TMEM178A: variants seen among roughly 807,000 people sequenced by gnomAD.
TMEM178A encodes the protein transmembrane protein 178A.
TMEM178A carries 12 observed loss-of-function variants against 29.1 expected under a neutral mutation model. The observed-to-expected ratio is 0.41, with a 90% confidence interval of 0.26 to 0.67. The LOEUF (loss-of-function observed/expected upper bound fraction) is 0.67, where lower values mean the gene tolerates loss of function less well. TMEM178A is among the 30% of genes least tolerant of loss of function. The probability of loss-of-function intolerance (pLI) is 0.29; values close to 1 mark genes in which losing one functional copy is unlikely to be tolerated. For missense variants in TMEM178A, 366 were observed against 419.1 expected, an observed-to-expected ratio of 0.87 and a Z score of 1.11; for synonymous variants, 210 against 187.2, an observed-to-expected ratio of 1.12 and a Z score of -0.99.
chr2:39,679,986 G>A (rs1393243693), intron 1 of TMEM178A, among the ~76,000 whole-genome samples: 1 of 152,034 alleles, frequency 6.6e-6, no homozygotes, highest in African/African-American at 2.4e-5. Context: ...TTCAAGCAGA[G>A]GTGGCTCTTC....
chr2:39,700,909 A>C (rs946990427), intron 1 of TMEM178A, among the ~76,000 whole-genome samples: 1 of 151,928 alleles, frequency 6.6e-6, no homozygotes, highest in Non-Finnish European at 1.5e-5. Context: ...GTTTGGATTA[A>C]TACCAATTGA....
intron 1 of TMEM178A, among the ~76,000 whole-genome samples, chr2:39,695,949 A>G (rs1671522548): frequency 6.6e-6 from 1 of 152,202 alleles, no homozygotes; most frequent in African/African-American, 2.4e-5. Flanking sequence ...ACAAATACAT[A>G]ATTATATCAT....
At position 39,683,222 on chromosome 2, in the gene TMEM178A, C is replaced by T. The variant is rs1256148888; in HGVS notation, c.400+16848C>T. On this transcript the variant is annotated intron_variant, in intron 1 of 3. Coordinates refer to ENST00000281961, the MANE Select transcript of TMEM178A (RefSeq NM_152390.3). Reference sequence around the variant, plus strand: ...GACTAATTTGCACTTGTTTAATCTGCAAGGCTGGCAATTTTGGGAAGCCTC... The same window carrying T: ...GACTAATTTGCACTTGTTTAATCTGTAAGGCTGGCAATTTTGGGAAGCCTC... Among the ~76,000 whole-genome samples the T allele has an allele frequency of 3.9e-5, 6 of 152,308 alleles. No homozygotes were observed. In the East Asian group the frequency reaches 7.7e-4, roughly 20 times the overall value.
the TMEM178A span, among the ~76,000 whole-genome samples, chr2:39,727,973 T>C: frequency 7.2e-5 from 11 of 152,334 alleles, no homozygotes; most frequent in East Asian, 1.3e-3. Context: ...TGATGGACAT[T>C]TGGGTTGGTT....
chr2:39,710,626 A>G (rs997561698), intron 3 of TMEM178A, among the ~76,000 whole-genome samples: 2 of 152,192 alleles, frequency 1.3e-5, no homozygotes, highest in African/African-American at 4.8e-5. Flanking sequence ...AAACACTGAG[A>G]CAACCATGTC....
chr2:39,673,167 C>A (rs1402482235), intron 1 of TMEM178A, among the ~76,000 whole-genome samples: 1 of 152,176 alleles, frequency 6.6e-6, no homozygotes, highest in Non-Finnish European at 1.5e-5. Context: ...TGCCCTGAGC[C>A]TTGGAGCATG....
At chr2:39,716,560 AAG>A (rs1172306233) in intron 3 of TMEM178A, among the ~76,000 whole-genome samples, 3 of 152,244 alleles carry the variant, frequency 2.0e-5, no homozygotes, top group Non-Finnish European at 4.4e-5. Flanking sequence ...TTAATTGAAA[AAG>A]AAAGCAGATG....
At chr2:39,688,031 T>C (rs1009001786) in intron 1 of TMEM178A, among the ~76,000 whole-genome samples, 1 of 152,212 alleles carries the variant, frequency 6.6e-6, no homozygotes, top group Non-Finnish European at 1.5e-5. Context: ...ATGAGGGAAA[T>C]GTCAGTAAAG....
intron 1 of TMEM178A, among the ~76,000 whole-genome samples, chr2:39,681,282 A>G (rs1231724138): frequency 6.6e-6 from 1 of 152,204 alleles, no homozygotes; most frequent in Non-Finnish European, 1.5e-5. Context: ...TAGACATGCC[A>G]AGAGATCTGT....
intron 1 of TMEM178A, among the ~76,000 whole-genome samples, chr2:39,680,112 C>G (rs1029998216): frequency 6.6e-6 from 1 of 152,150 alleles, no homozygotes; most frequent in South Asian, 2.1e-4. Flanking sequence ...TTACTCTGCT[C>G]TTAACTAGCT....
At position 39,702,071 on chromosome 2, in the gene TMEM178A, C is replaced by CT. The variant is rs201458206; in HGVS notation, c.401-2000dup. Among the ~76,000 whole-genome samples, 1,468 of 148,466 alleles carry CT rather than the reference C, an allele frequency of 9.9e-3. 9 individuals carry two copies. Among genetic ancestry groups the CT allele is most frequent in the Non-Finnish European group, 0.012 (834 of 66,764 alleles). ...CCTCAGTGACAGCTTCTATTGACTGCTTTTTTTTTTCTTTTACTTTGAATG... is the reference window on the plus strand; with the variant it reads ...CCTCAGTGACAGCTTCTATTGACTGCTTTTTTTTTTTCTTTTACTTTGAATG... On this transcript the variant is annotated intron_variant, in intron 1 of 3. Coordinates refer to ENST00000281961, the MANE Select transcript of TMEM178A (RefSeq NM_152390.3).
chr2:39,673,237 G>A lies in TMEM178A; in HGVS notation c.400+6863G>A, dbSNP rs150691487. ...CAGCCTTTGTTTGCTGCAGAGTCAC[G>A]GGAAACTACATGCTGCACCCCATCT... On this transcript the variant is annotated intron_variant, in intron 1 of 3. Transcript: ENST00000281961. Among the ~76,000 whole-genome samples, 31 of 152,268 alleles carry A rather than the reference G, an allele frequency of 2.0e-4. No homozygotes were observed. In the East Asian group the frequency reaches 3.1e-3, roughly 15 times the overall value.
At chr2:39,692,145 G>A (rs868641010) in intron 1 of TMEM178A, among the ~76,000 whole-genome samples, 8 of 152,116 alleles carry the variant, frequency 5.3e-5, no homozygotes, top group African/African-American at 1.7e-4. Context: ...GTTACCAGAG[G>A]GTAGAATGGT....
intron 1 of TMEM178A, among the ~76,000 whole-genome samples, chr2:39,674,062 A>C (rs1302541396): frequency 6.6e-6 from 1 of 152,078 alleles, no homozygotes; most frequent in Non-Finnish European, 1.5e-5. Flanking sequence ...TTGTAGGAAA[A>C]CTTCTCTTGG....
intron 1 of TMEM178A, among the ~76,000 whole-genome samples, chr2:39,668,726 A>T (rs2148050425): frequency 6.6e-6 from 1 of 152,334 alleles, no homozygotes; most frequent in East Asian, 1.9e-4. Context: ...GATGTCCAGA[A>T]ATGCCTTGTA....
At chr2:39,669,505 A>G (rs987488037) in intron 1 of TMEM178A, among the ~76,000 whole-genome samples, 3 of 152,226 alleles carry the variant, frequency 2.0e-5, no homozygotes, top group African/African-American at 4.8e-5. Context: ...TGGGACAAGT[A>G]TTTGGGAGAA....
intron 1 of TMEM178A, among the ~76,000 whole-genome samples, chr2:39,700,995 C>T (rs4644998): frequency 1.3e-5 from 2 of 151,808 alleles, no homozygotes; most frequent in African/African-American, 4.8e-5. Context: ...TATTGTCATA[C>T]AAATTACATG....
downstream of TMEM178A, among the ~76,000 whole-genome samples, chr2:39,719,836 C>T (rs115126976): frequency 5.8e-3 from 886 of 152,080 alleles, 7 homozygotes; most frequent in African/African-American, 0.02. Flanking sequence ...CCTCGATAAT[C>T]GAGATTTCCC....
chr2:39,666,709 C>T (rs769947454), intron 1 of TMEM178A, among the ~76,000 whole-genome samples: 3 of 152,220 alleles, frequency 2.0e-5, no homozygotes, highest in Non-Finnish European at 4.4e-5. Context: ...CCTTTGTACA[C>T]CTGCCTGACA....
Sources: gnomAD v4.1 joint callset for allele counts (sites outside exome capture counted in the v4.1 genomes callset) on GRCh38, gnomAD v4.1.1 for gene constraint, MANE v1.5 for transcripts, NCBI Gene and HGNC (gene_info 2026-07-23, HGNC 2026-07-21) for gene names.